COL6A5: variants seen among roughly 807,000 people sequenced by gnomAD.
COL6A5 encodes the protein collagen alpha-5(VI) chain.
Under a neutral mutation model 65.6 loss-of-function variants are expected in COL6A5, and 48 were observed. The ratio of observed to expected loss-of-function variants is 0.73; its 90% CI spans 0.58 to 0.93. COL6A5 has a LOEUF of 0.93. COL6A5 is among the 40% of genes least tolerant of loss of function. The probability of loss-of-function intolerance (pLI) is 0.00; values close to 1 mark genes in which losing one functional copy is unlikely to be tolerated. For missense variants in COL6A5, 914 were observed against 928.3 expected, an observed-to-expected ratio of 0.98 and a Z score of 0.20; for synonymous variants, 291 against 322.8, an observed-to-expected ratio of 0.90 and a Z score of 1.05.
At chr3:130,464,197 T>G (rs1170879620) in intron 5 of COL6A5, among the ~76,000 whole-genome samples, 3 of 151,978 alleles carry the variant, frequency 2.0e-5, no homozygotes, top group Non-Finnish European at 2.9e-5. Flanking sequence ...AGTGGTGTGG[T>G]CACAGCTCAG....
intron 19 of COL6A5, 41 bp from the exon 20 acceptor site, chr3:130,410,430 A>AT: frequency 6.8e-7 from 1 of 1,474,438 alleles, no homozygotes; most frequent in Non-Finnish European, 9.3e-7. Flanking sequence ...TTTATTCAGA[A>AT]TTTTTTCCTT....
chr3:130,431,824 T>TG lies in COL6A5; in HGVS notation c.362_363insG (p.Phe122CysfsTer3). On this transcript the variant is annotated frameshift_variant, in exon 1 of 8. Coordinates refer to ENST00000512836, the Ensembl canonical transcript of COL6A5. LOFTEE classifies it high-confidence loss of function. ...AGCCAACGTGAGGAGAGTTGCTGTGTTTTTTAGCAATGGTCAAACAGCCAG... is the reference window on the plus strand; with the variant it reads ...AGCCAACGTGAGGAGAGTTGCTGTGTGTTTTTAGCAATGGTCAAACAGCCAG... 3.9e-6 allele frequency: 6 copies of TG among 1,551,516 alleles called. No homozygotes were observed. Among genetic ancestry groups the TG allele is most frequent in the Non-Finnish European group, 5.2e-6 (6 of 1,146,918 alleles).
At chr3:130,462,209 G>A (rs188918389) in intron 5 of COL6A5, among the ~76,000 whole-genome samples, 48 of 152,178 alleles carry the variant, frequency 3.2e-4, no homozygotes, top group African/African-American at 9.6e-4. Flanking sequence ...GCCCCAACAC[G>A]TGCCTTTAGA....
In COL6A5 at chr3:130,426,440, G is replaced by T. The variant is rs183535640; in HGVS notation, c.5236+37G>T. The T allele has an allele frequency of 1.3e-5, 20 of 1,545,880 alleles. No individual in the cohort carries two copies. The East Asian group carries it at 4.6e-4, about 36-fold the overall frequency. On this transcript the variant is annotated intron_variant and NMD_transcript_variant, in intron 31 of 41. Transcript: ENST00000312481. ...TTACGGAACAAGAGCATCCATCAAT[G>T]GTTGGTGAGGCACTTAGGACTGTAT... is the stretch of plus-strand genomic sequence containing the variant.
At chr3:130,438,980 T>C (rs566837990) in intron 1 of COL6A5, among the ~76,000 whole-genome samples, 1 of 152,274 alleles carries the variant, frequency 6.6e-6, no homozygotes, top group Non-Finnish European at 1.5e-5. Flanking sequence ...GACTTTTAAG[T>C]GGAATTTGTG....
intron 2 of COL6A5, among the ~76,000 whole-genome samples, chr3:130,374,694 T>A (rs1427732819): frequency 6.6e-6 from 1 of 152,146 alleles, no homozygotes; most frequent in East Asian, 1.9e-4. Context: ...GCTCAAGTGA[T>A]CCTACCACCT....
chr3:130,347,368 T>TTA (rs905757707), intron 1 of COL6A5, among the ~76,000 whole-genome samples: 20 of 147,884 alleles, frequency 1.4e-4, no homozygotes, highest in South Asian at 4.9e-4. Flanking sequence ...TTTAATTATT[T>TTA]TATATATATA....
intron 7 of COL6A5, 91 bp from the exon 8 acceptor site, chr3:130,394,799 A>C: frequency 2.3e-6 from 2 of 851,878 alleles, no homozygotes. Flanking sequence ...AAATCAATTG[A>C]AGTATTTAGT....
At chr3:130,392,261 C>T (rs570623897) in intron 7 of COL6A5, among the ~76,000 whole-genome samples, 3 of 152,270 alleles carry the variant, frequency 2.0e-5, no homozygotes, top group African/African-American at 7.2e-5. Flanking sequence ...ATGTGCTTTT[C>T]TGGGTAAGCG....
exon 7 of COL6A5, chr3:130,391,474 T>TA: frequency 6.4e-7 from 1 of 1,551,698 alleles, no homozygotes; most frequent in Non-Finnish European, 8.7e-7. Flanking sequence ...ATGCCCTGTT[T>TA]ACAGAGGAAC....
chr3:130,386,866 A>G (rs1936206615), intron 5 of COL6A5, among the ~76,000 whole-genome samples: 1 of 152,012 alleles, frequency 6.6e-6, no homozygotes, highest in Non-Finnish European at 1.5e-5. Context: ...AAAACAAAGG[A>G]GCCAAAGCTT....
At chr3:130,475,540 G>A (rs1464071383) in intron 7 of COL6A5, among the ~76,000 whole-genome samples, 1 of 83,852 alleles carries the variant, frequency 1.2e-5, no homozygotes, top group Non-Finnish European at 4.0e-5. Flanking sequence ...TCTCCCTCTG[G>A]AATAAAGACA....
chr3:130,484,524 A>G, exon 8 of COL6A5: 1 of 399,130 alleles, frequency 2.5e-6, no homozygotes, highest in South Asian at 1.3e-4. Flanking sequence ...GGTGACCCTA[A>G]CATTTCATCT....
At chr3:130,475,915 G>A (rs1321333498) in intron 7 of COL6A5, among the ~76,000 whole-genome samples, 3 of 152,078 alleles carry the variant, frequency 2.0e-5, no homozygotes, top group African/African-American at 7.2e-5. Context: ...AGAAACTGAG[G>A]TTCAAAGAGG....
chr3:130,439,685 G>T lies in COL6A5; in HGVS notation c.581+70G>T, dbSNP rs1276065654. 3.9e-6 allele frequency: 4 copies of T among 1,038,244 alleles called. No individual in the cohort carries two copies. In the East Asian group the frequency reaches 1.1e-4, roughly 27 times the overall value. The allele number at this position is 1,038,244 out of a possible 1,614,324, so 64.3% of individuals were successfully genotyped here. A position where few individuals can be genotyped will look rare whatever the true frequency, so the allele number is the denominator to read the frequency against. ...CCTTCTAGATGAGTTATTGAATGTG[G>T]TTTTATCCAGAGATTTCTATTTTTA... On this transcript the variant is annotated intron_variant, in intron 2 of 7. Coordinates refer to ENST00000512836, the Ensembl canonical transcript of COL6A5.
At chr3:130,356,302 T>C (rs1934924304) in intron 1 of COL6A5, among the ~76,000 whole-genome samples, 2 of 152,118 alleles carry the variant, frequency 1.3e-5, no homozygotes, top group South Asian at 2.1e-4. Flanking sequence ...AATAAGAGAA[T>C]TGATGAAAAT....
exon 2 of COL6A5, chr3:130,439,576 C>A (rs1309871661): frequency 6.4e-7 from 1 of 1,550,984 alleles, no homozygotes; most frequent in African/African-American, 1.4e-5. Flanking sequence ...TGGGGAAAAT[C>A]AAACATTAGA....
At chr3:130,477,216 A>G in intron 7 of COL6A5, 1 of 667,388 alleles carries the variant, frequency 1.5e-6, no homozygotes, top group Admixed American at 2.6e-5. Flanking sequence ...GTTGAAGATG[A>G]TGCATATAAA....
exon 7 of COL6A5, chr3:130,391,660 G>A: frequency 6.4e-7 from 1 of 1,551,624 alleles, no homozygotes. Context: ...GTATGGCAGG[G>A]AATAAAAACA....
Sources: allele counts gnomAD v4.1 joint callset (sites outside exome capture counted in the v4.1 genomes callset), GRCh38; gene constraint gnomAD v4.1.1; transcripts MANE v1.5; gene names NCBI Gene and HGNC (gene_info 2026-07-23, HGNC 2026-07-21).